Variants in SUGCT observed in about 807,000 individuals in gnomAD.
SUGCT encodes succinyl-CoA:glutarate-CoA transferase.
A neutral mutation model predicts 55.0 loss-of-function variants in SUGCT; 41 were observed. That is an observed-to-expected ratio of 0.74 (90% confidence interval 0.58 to 0.97). The LOEUF is 0.97. SUGCT is among the 50% of genes least tolerant of loss of function. The pLI is 0.00. For synonymous variants in SUGCT, 187 were observed against 200.4 expected (o/e 0.93, Z 0.56); for missense variants, 568 against 547.8 (o/e 1.04, Z -0.37).
intron 12 of SUGCT, among the ~76,000 whole-genome samples, chr7:40,604,934 T>G (rs1222757934): frequency 2.6e-5 from 4 of 152,192 alleles, no homozygotes; most frequent in Non-Finnish European, 5.9e-5. Flanking sequence ...TGACCCGGAT[T>G]CAAAGGCTTG....
At chr7:40,992,692 G>A in the SUGCT span, among the ~76,000 whole-genome samples, 2 of 152,154 alleles carry the variant, frequency 1.3e-5, no homozygotes, top group Non-Finnish European at 2.9e-5. Context: ...AATAGGAAGA[G>A]ATTTGGCTTT....
chr7:40,452,647 A>C lies in SUGCT; in HGVS notation c.888+3289A>C, dbSNP rs75467401. Among the ~76,000 whole-genome samples the C allele has an allele frequency of 1.2e-4, 19 of 152,306 alleles. 1 individual carries two copies. In the East Asian group the frequency reaches 3.7e-3, roughly 29 times the overall value. The stretch of plus-strand genomic sequence containing the variant: ...ATCTTTTCTAAGCATCTGTTTTCCT[A>C]TGTATAAAATGAAGATTATAATACG... On this transcript the variant is annotated intron_variant, in intron 10 of 13. Transcript: ENST00000335693.
At chr7:40,656,230 T>A (rs545840343) in intron 12 of SUGCT, among the ~76,000 whole-genome samples, 1 of 142,894 alleles carries the variant, frequency 7.0e-6, no homozygotes. Context: ...CTTATTATCA[T>A]AGCATCTTTT....
At position 40,296,129 on chromosome 7, in the gene SUGCT, T is replaced by G. The variant is rs1794129978; in HGVS notation, c.721-20631T>G. ...CTTAAGTTAGTAGTTTGGGTTGGTC[T>G]TGTCTGAATTTATATACTTAATTAA... On this transcript the variant is annotated intron_variant, in intron 8 of 13. Coordinates refer to ENST00000335693, the MANE Select transcript of SUGCT (RefSeq NM_001193313.2). Among the ~76,000 whole-genome samples the G allele has an allele frequency of 1.3e-5, 2 of 152,226 alleles. 1 individual carries two copies. Among genetic ancestry groups the G allele is most frequent in the South Asian group, 4.1e-4 (2 of 4,826 alleles).
At chr7:40,438,027 A>G (rs1198211341) in intron 9 of SUGCT, among the ~76,000 whole-genome samples, 1 of 152,018 alleles carries the variant, frequency 6.6e-6, no homozygotes, top group African/African-American at 2.4e-5. Flanking sequence ...ACTTGATTAT[A>G]TGATATATTG....
chr7:40,684,475 G>A (rs1030875889), intron 12 of SUGCT, among the ~76,000 whole-genome samples: 4 of 152,168 alleles, frequency 2.6e-5, no homozygotes, highest in African/African-American at 9.7e-5. Context: ...CAAGTAGTAT[G>A]GATAGATTTA....
chr7:40,658,460 A>G (rs1801135599), intron 12 of SUGCT, among the ~76,000 whole-genome samples: 2 of 152,284 alleles, frequency 1.3e-5, no homozygotes, highest in South Asian at 2.1e-4. Flanking sequence ...TTTAAGGGGC[A>G]GATCTGTCCT....
At chr7:40,871,977 T>C in the SUGCT span, among the ~76,000 whole-genome samples, 1 of 152,158 alleles carries the variant, frequency 6.6e-6, no homozygotes, top group Admixed American at 6.5e-5. Flanking sequence ...AATTTGGCAA[T>C]GTCTGGAGAC....
the SUGCT span, among the ~76,000 whole-genome samples, chr7:40,987,368 G>A: frequency 6.6e-6 from 1 of 152,140 alleles, no homozygotes; most frequent in East Asian, 1.9e-4. Flanking sequence ...GTTTAAAGCA[G>A]GGTTTTTGGA....
chr7:40,326,471 TAAAC>T (rs1796032975), intron 9 of SUGCT, among the ~76,000 whole-genome samples: 1 of 152,186 alleles, frequency 6.6e-6, no homozygotes, highest in Admixed American at 6.5e-5. Context: ...AGTAAATAAA[TAAAC>T]AGAGCTGAAT....
chr7:40,568,532 G>T (rs1796268697), intron 12 of SUGCT, among the ~76,000 whole-genome samples: 1 of 152,186 alleles, frequency 6.6e-6, no homozygotes, highest in African/African-American at 2.4e-5. Context: ...CCCAGAGATT[G>T]CCTCTTTCCT....
At chr7:40,618,356 A>G (rs1054215588) in intron 12 of SUGCT, among the ~76,000 whole-genome samples, 1 of 152,288 alleles carries the variant, frequency 6.6e-6, no homozygotes, top group East Asian at 1.9e-4. Flanking sequence ...CATCTCACTC[A>G]ACAGGAATTG....
At chr7:40,443,538 T>C (rs977209736) in intron 9 of SUGCT, among the ~76,000 whole-genome samples, 7 of 152,244 alleles carry the variant, frequency 4.6e-5, no homozygotes, top group Non-Finnish European at 5.9e-5. Context: ...GAAGTGTCTG[T>C]TCATATCCTT....
At chr7:40,488,271 G>A (rs1187468137) in intron 11 of SUGCT, among the ~76,000 whole-genome samples, 3 of 151,602 alleles carry the variant, frequency 2.0e-5, no homozygotes, top group South Asian at 2.1e-4. Context: ...TATGATTTTT[G>A]TAATAGTTAT....
chr7:40,253,508 C>G (rs1280292727), intron 7 of SUGCT, among the ~76,000 whole-genome samples: 1 of 152,230 alleles, frequency 6.6e-6, no homozygotes, highest in Non-Finnish European at 1.5e-5. Context: ...AAATCTAGAA[C>G]AATGCCTGGA....
chr7:40,427,266 G>A (rs1268087457), intron 9 of SUGCT, among the ~76,000 whole-genome samples: 1 of 152,122 alleles, frequency 6.6e-6, no homozygotes, highest in Non-Finnish European at 1.5e-5. Context: ...TAATAATTAT[G>A]ATCCTCTATG....
At chr7:40,350,892 T>C (rs1583486779) in intron 9 of SUGCT, among the ~76,000 whole-genome samples, 1 of 151,286 alleles carries the variant, frequency 6.6e-6, no homozygotes, top group African/African-American at 2.4e-5. Context: ...GCGGTGTTTG[T>C]TTTTCTGTTC....
At chr7:41,010,767 A>G in the SUGCT span, among the ~76,000 whole-genome samples, 2 of 152,224 alleles carry the variant, frequency 1.3e-5, no homozygotes, top group African/African-American at 4.8e-5. Flanking sequence ...TTTTGGACCC[A>G]TTAAATAAAT....
At chr7:40,567,417 G>T (rs1295162241) in intron 12 of SUGCT, among the ~76,000 whole-genome samples, 4 of 152,124 alleles carry the variant, frequency 2.6e-5, no homozygotes, top group African/African-American at 9.7e-5. Context: ...CTTTGTTCTT[G>T]ATTTTTTTCT....
Sources: allele counts gnomAD v4.1 joint callset (sites outside exome capture counted in the v4.1 genomes callset), GRCh38; gene constraint gnomAD v4.1.1; transcripts MANE v1.5; gene names NCBI Gene and HGNC (gene_info 2026-07-23, HGNC 2026-07-21).